CGNL1: variants seen among roughly 807,000 people sequenced by gnomAD.
CGNL1 encodes the protein cingulin-like protein 1.
A neutral mutation model predicts 141.2 loss-of-function variants in CGNL1; 132 were observed. The observed-to-expected ratio is 0.93, with a 90% confidence interval of 0.81 to 1.08. The LOEUF (loss-of-function observed/expected upper bound fraction) is 1.08, where lower values mean the gene tolerates loss of function less well. CGNL1 is among the 50% of genes least tolerant of loss of function. The pLI is 0.00. For missense variants in CGNL1, 1,870 were observed against 1,588.6 expected (o/e 1.18, Z -3.01); for synonymous variants, 690 against 622.1 (o/e 1.11, Z -1.63).
At chr15:57,392,894 C>G (rs1488917075) in intron 1 of CGNL1, among the ~76,000 whole-genome samples, 1 of 152,098 alleles carries the variant, frequency 6.6e-6, no homozygotes, top group African/African-American at 2.4e-5. Context: ...AAATTGTTAT[C>G]TTAATGATGT....
intron 14 of CGNL1, among the ~76,000 whole-genome samples, chr15:57,543,015 G>A (rs189967904): frequency 6.6e-6 from 1 of 152,344 alleles, no homozygotes; most frequent in African/African-American, 2.4e-5. Context: ...CTGTAACAAA[G>A]TAACACAACC....
intron 1 of CGNL1, among the ~76,000 whole-genome samples, chr15:57,378,287 A>G (rs1227734821): frequency 6.7e-6 from 1 of 150,348 alleles, no homozygotes; most frequent in Non-Finnish European, 1.5e-5. Flanking sequence ...GTTTGCATTA[A>G]AATTTCCACC....
intron 1 of CGNL1, among the ~76,000 whole-genome samples, chr15:57,380,434 T>TA (rs1320249097): frequency 6.6e-6 from 1 of 152,162 alleles, no homozygotes; most frequent in Non-Finnish European, 1.5e-5. Context: ...GGTGGGGATG[T>TA]AAACCCTGGG....
At chr15:57,525,904 A>G (rs1193377575) in intron 12 of CGNL1, among the ~76,000 whole-genome samples, 1 of 152,022 alleles carries the variant, frequency 6.6e-6, no homozygotes, top group Non-Finnish European at 1.5e-5. Context: ...AAAAAAAATC[A>G]CATTCATTAC....
intron 1 of CGNL1, chr15:57,407,294 T>C (rs1377097479): frequency 2.0e-5 from 3 of 152,236 alleles, no homozygotes; most frequent in Admixed American, 6.5e-5. Context: ...ACTCCTCATC[T>C]GTTTTGTTTT....
chr15:57,391,699 G>A (rs960410983), intron 1 of CGNL1, among the ~76,000 whole-genome samples: 1 of 152,204 alleles, frequency 6.6e-6, no homozygotes, highest in Non-Finnish European at 1.5e-5. Context: ...TAAACAAGAA[G>A]TCCAAAGTCT....
intron 7 of CGNL1, 81 bp from the exon 8 acceptor site, chr15:57,461,599 G>A (rs1177652604): frequency 1.7e-6 from 2 of 1,162,606 alleles, no homozygotes; most frequent in African/African-American, 3.0e-5. Context: ...TGCACATGGG[G>A]ACTGAACTGG....
At chr15:57,544,931 T>C (rs2140250681) in intron 16 of CGNL1, among the ~76,000 whole-genome samples, 1 of 152,324 alleles carries the variant, frequency 6.6e-6, no homozygotes, top group East Asian at 1.9e-4. Flanking sequence ...CTACAGAGTT[T>C]GAGCCACGTT....
intron 1 of CGNL1, among the ~76,000 whole-genome samples, chr15:57,408,667 A>G (rs1265096835): frequency 2.0e-5 from 3 of 152,096 alleles, no homozygotes; most frequent in Non-Finnish European, 4.4e-5. Context: ...GACCGCACCC[A>G]GCTCATTAGT....
intron 8 of CGNL1, among the ~76,000 whole-genome samples, chr15:57,505,667 C>T (rs932045122): frequency 1.3e-5 from 2 of 152,218 alleles, no homozygotes; most frequent in African/African-American, 4.8e-5. Flanking sequence ...AGGCTCTTGC[C>T]TACCGAGACC....
intron 8 of CGNL1, among the ~76,000 whole-genome samples, chr15:57,495,864 A>C (rs924928206): frequency 2.6e-5 from 4 of 152,244 alleles, no homozygotes; most frequent in Admixed American, 2.0e-4. Flanking sequence ...AATTGGGAAG[A>C]CATCTATTTT....
chr15:57,461,859 G>C lies in CGNL1; in HGVS notation c.2370G>C (p.Gln790His). ...KLKEQYDAELQALRESVEEAT... is the reference protein window; with the variant it reads ...KLKEQYDAELHALRESVEEAT... Reference sequence around the variant, plus strand: ...AGGAGCAATATGATGCTGAGTTGCAGGCCCTGAGGGAGAGTGTGGAAGAAG... The same window carrying C: ...AGGAGCAATATGATGCTGAGTTGCACGCCCTGAGGGAGAGTGTGGAAGAAG... Residue 790 changes from glutamine to histidine, a missense_variant, in exon 8 of 19, where the codon CAG becomes CAC. By Grantham distance (24) the Gln-to-His change is conservative. Transcript: ENST00000281282. The C allele has an allele frequency of 6.2e-7, 1 of 1,613,994 alleles. No homozygotes were observed. The highest frequency in any genetic ancestry group is 1.3e-5 in the African/African-American group (1 of 75,018).
intron 7 of CGNL1, among the ~76,000 whole-genome samples, chr15:57,456,503 T>C (rs1002816576): frequency 6.9e-6 from 1 of 145,020 alleles, no homozygotes; most frequent in African/African-American, 2.6e-5. Context: ...AAAAAAAAAA[T>C]AAATAAAACA....
At chr15:57,496,551 G>A (rs189029447) in intron 8 of CGNL1, among the ~76,000 whole-genome samples, 160 of 152,294 alleles carry the variant, frequency 1.1e-3, no homozygotes, top group African/African-American at 3.1e-3. Context: ...TGTCTTCCCC[G>A]AAACTGGTCC....
chr15:57,441,369 A>AT (rs1302043215), intron 3 of CGNL1, among the ~76,000 whole-genome samples: 120 of 150,112 alleles, frequency 8.0e-4, no homozygotes, highest in Non-Finnish European at 1.5e-3. Context: ...AAAATTCATT[A>AT]TTTTTTTTTT....
intron 1 of CGNL1, among the ~76,000 whole-genome samples, chr15:57,425,001 T>C (rs988383152): frequency 6.6e-6 from 1 of 152,216 alleles, no homozygotes; most frequent in Non-Finnish European, 1.5e-5. Context: ...ACTATAATCG[T>C]TTTATATTTG....
chr15:57,517,932 GT>G (rs1344108437), intron 9 of CGNL1, among the ~76,000 whole-genome samples: 9 of 151,962 alleles, frequency 5.9e-5, no homozygotes, highest in African/African-American at 1.9e-4. Flanking sequence ...AAAACTGTGT[GT>G]GTGGGGGTCC....
At chr15:57,524,953 T>G (rs562450426) in intron 12 of CGNL1, among the ~76,000 whole-genome samples, 1 of 152,326 alleles carries the variant, frequency 6.6e-6, no homozygotes, top group East Asian at 1.9e-4. Flanking sequence ...TGAGGCTAAA[T>G]GGACACAGCT....
intron 1 of CGNL1, among the ~76,000 whole-genome samples, chr15:57,411,266 TG>T (rs1382020393): frequency 7.2e-5 from 11 of 152,146 alleles, no homozygotes; most frequent in Admixed American, 4.6e-4. Flanking sequence ...CCTCCTTTCT[TG>T]GAGTCACTGC....
Sources: gnomAD v4.1 joint callset for allele counts (sites outside exome capture counted in the v4.1 genomes callset) on GRCh38, gnomAD v4.1.1 for gene constraint, MANE v1.5 for transcripts, NCBI Gene and HGNC (gene_info 2026-07-23, HGNC 2026-07-21) for gene names.